The following NIPBL variants were observed in gnomAD, a reference collection of about 807,000 sequenced individuals.
NIPBL encodes NIPBL cohesin loading factor, also known as nipped-B-like protein.
A neutral mutation model predicts 321.8 loss-of-function variants in NIPBL; 19 were observed. The ratio of observed to expected loss-of-function variants is 0.06; its 90% CI spans 0.04 to 0.09. NIPBL has a LOEUF of 0.09. Among genes scored for constraint, NIPBL ranks in the 10% least tolerant of loss-of-function variants. The probability of loss-of-function intolerance (pLI) is 1.00; values close to 1 mark genes in which losing one functional copy is unlikely to be tolerated. For synonymous variants in NIPBL, 1,106 were observed against 1,114.1 expected, an observed-to-expected ratio of 0.99 and a Z score of 0.14; for missense variants, 2,210 against 3,327.0, an observed-to-expected ratio of 0.66 and a Z score of 8.26.
intron 29 of NIPBL, among the ~76,000 whole-genome samples, chr5:37,023,217 T>A (rs893669510): frequency 3.3e-5 from 5 of 152,064 alleles, no homozygotes; most frequent in African/African-American, 1.2e-4. Flanking sequence ...GCTGGAAAAA[T>A]TTTTTTCCTT....
At chr5:37,002,315 C>T (rs1746906782) in intron 14 of NIPBL, among the ~76,000 whole-genome samples, 1 of 152,160 alleles carries the variant, frequency 6.6e-6, no homozygotes, top group South Asian at 2.1e-4. Flanking sequence ...TCTAACAGGG[C>T]ACCCTACTGG....
Position 37,062,644 on chromosome 5 carries a change from A to T in NIPBL, c.7861-1146A>T, listed in dbSNP as rs547985645. Among the ~76,000 whole-genome samples the T allele has an allele frequency of 2.6e-5, 4 of 152,312 alleles. No homozygotes were observed. In the East Asian group the frequency reaches 7.7e-4, roughly 29 times the overall value. On this transcript the variant is annotated intron_variant, in intron 45 of 46. Transcript: ENST00000282516. Reference sequence around the variant, plus strand: ...TAAAATGGTTAAACTGGTAGGCTGGACATGCTGGCTTATACCTGTAATCTT... The same window carrying T: ...TAAAATGGTTAAACTGGTAGGCTGGTCATGCTGGCTTATACCTGTAATCTT...
chr5:37,001,456 G>A (rs952833715), intron 14 of NIPBL, among the ~76,000 whole-genome samples: 2 of 152,116 alleles, frequency 1.3e-5, no homozygotes, highest in African/African-American at 4.8e-5. Context: ...AGTATCTAAA[G>A]AATCATGAGT....
At position 36,985,314 on chromosome 5, in the gene NIPBL, G is replaced by A; in HGVS notation, c.2134G>A (p.Glu712Lys). ...AAAGCAAAAGGGTGAAAGCCGGCCT[G>A]AGACTCCAAAACAAAAGAGTGATGG... is the stretch of plus-strand genomic sequence containing the variant. Reference protein sequence around the residue: ...TPKQKGESRPETPKQKSDGHP... With the variant: ...TPKQKGESRPKTPKQKSDGHP... Residue 712 changes from glutamate to lysine, a missense_variant, in exon 10 of 47, where the codon GAG becomes AAG. This residue lies in a region of NIPBL where 588 missense variants were observed against 564.1 expected (regional missense o/e 1.04). Transcript: ENST00000282516. The A allele has an allele frequency of 1.9e-6, 3 of 1,613,688 alleles. No homozygotes were observed. Among genetic ancestry groups the A allele is most frequent in the Non-Finnish European group, 2.5e-6 (3 of 1,179,944 alleles).
intron 1 of NIPBL, among the ~76,000 whole-genome samples, chr5:36,880,138 C>A (rs1580128570): frequency 6.6e-6 from 1 of 152,030 alleles, no homozygotes; most frequent in Admixed American, 6.5e-5. Context: ...AAAATATGAG[C>A]AAGCTATACC....
At chr5:36,922,964 A>G (rs777790886) in intron 1 of NIPBL, among the ~76,000 whole-genome samples, 20 of 151,610 alleles carry the variant, frequency 1.3e-4, no homozygotes, top group African/African-American at 2.0e-4. Flanking sequence ...TACATTTGAA[A>G]GAAAAGATTT....
chr5:37,013,936 G>A (rs139219924), intron 21 of NIPBL, among the ~76,000 whole-genome samples: 2,659 of 151,198 alleles, frequency 0.018, 31 homozygotes, highest in Middle Eastern at 0.041. Context: ...CTGAGTGAAC[G>A]AGACTCCGTC....
At chr5:36,946,725 A>G (rs1252115119) in intron 1 of NIPBL, among the ~76,000 whole-genome samples, 1 of 152,134 alleles carries the variant, frequency 6.6e-6, no homozygotes, top group Non-Finnish European at 1.5e-5. Flanking sequence ...AAATAATGTT[A>G]TAATCACACA....
intron 31 of NIPBL, 33 bp from the exon 32 acceptor site, chr5:37,027,326 A>C (rs757530876): frequency 6.7e-7 from 1 of 1,503,110 alleles, no homozygotes; most frequent in Non-Finnish European, 9.3e-7. Flanking sequence ...TTATAAATAT[A>C]CTTCTAACTT....
At chr5:36,927,670 A>C (rs1213753467) in intron 1 of NIPBL, among the ~76,000 whole-genome samples, 1 of 152,232 alleles carries the variant, frequency 6.6e-6, no homozygotes, top group Non-Finnish European at 1.5e-5. Context: ...ATTGTAGAAG[A>C]AGCACGAAGA....
chr5:36,888,401 CATGGAGTTGTATATTCAT>C (rs1746075392), intron 1 of NIPBL, among the ~76,000 whole-genome samples: 1 of 152,010 alleles, frequency 6.6e-6, no homozygotes, highest in Admixed American at 6.6e-5. Flanking sequence ...TACTGCATTT[CATGGAGTTGTATATTCAT>C]TTCAATACTT....
chr5:37,004,097 G>A (rs1242158533), intron 16 of NIPBL, among the ~76,000 whole-genome samples: 1 of 152,028 alleles, frequency 6.6e-6, no homozygotes, highest in East Asian at 1.9e-4. Context: ...TTGTTCAAAG[G>A]ATTAAAGAAT....
chr5:37,055,221 C>T (rs899644676), intron 42 of NIPBL, among the ~76,000 whole-genome samples: 7 of 151,934 alleles, frequency 4.6e-5, no homozygotes, highest in East Asian at 3.9e-4. Flanking sequence ...CATGATGGCG[C>T]GCACCTGTAG....
intron 32 of NIPBL, among the ~76,000 whole-genome samples, chr5:37,028,976 A>G (rs985548487): frequency 2.0e-5 from 3 of 152,140 alleles, no homozygotes; most frequent in African/African-American, 7.2e-5. Flanking sequence ...GTGTCATTTA[A>G]GTTGTTCCTC....
chr5:36,900,682 T>C (rs1477807410), intron 1 of NIPBL, among the ~76,000 whole-genome samples: 1 of 151,978 alleles, frequency 6.6e-6, no homozygotes, highest in Admixed American at 6.6e-5. Flanking sequence ...TTTTGTTTTG[T>C]TTTGTTTTGT....
At chr5:36,955,924 A>G (rs1409131025) in intron 3 of NIPBL, among the ~76,000 whole-genome samples, 1 of 152,020 alleles carries the variant, frequency 6.6e-6, no homozygotes, top group Non-Finnish European at 1.5e-5. Context: ...AGATCTGGTC[A>G]TGAAACTATA....
intron 1 of NIPBL, among the ~76,000 whole-genome samples, chr5:36,923,377 G>GAA (rs1561390879): frequency 6.6e-6 from 1 of 151,822 alleles, no homozygotes; most frequent in Non-Finnish European, 1.5e-5. Flanking sequence ...TATTCTCTGA[G>GAA]ATATATATAT....
At chr5:36,957,058 T>C (rs1438606146) in intron 3 of NIPBL, among the ~76,000 whole-genome samples, 1 of 152,166 alleles carries the variant, frequency 6.6e-6, no homozygotes, top group East Asian at 1.9e-4. Flanking sequence ...CCTGGAAATG[T>C]AGTGAGTCTT....
At chr5:36,880,753 A>G (rs937356219) in intron 1 of NIPBL, among the ~76,000 whole-genome samples, 2 of 152,008 alleles carry the variant, frequency 1.3e-5, no homozygotes, top group Non-Finnish European at 2.9e-5. Context: ...AGCAGTTGTC[A>G]TTTATAATAA....
Sources: allele counts gnomAD v4.1 joint callset (sites outside exome capture counted in the v4.1 genomes callset), GRCh38; gene constraint gnomAD v4.1.1; regional missense constraint gnomAD v4.1.1; transcripts MANE v1.5; gene names NCBI Gene and HGNC (gene_info 2026-07-23, HGNC 2026-07-21).